Variants in ZNF483 observed in about 807,000 individuals in gnomAD.
The protein encoded by ZNF483 is zinc finger protein HIT-10.
ZNF483 carries 9 observed loss-of-function variants against 28.6 expected under a neutral mutation model. That is an observed-to-expected ratio of 0.32 (90% CI 0.19 to 0.55). The LOEUF (loss-of-function observed/expected upper bound fraction) is 0.55, where lower values mean the gene tolerates loss of function less well. ZNF483 is among the 20% of genes least tolerant of loss of function. ZNF483 has a pLI of 0.93. For synonymous variants in ZNF483, 322 were observed against 306.2 expected (o/e 1.05, Z -0.54); for missense variants, 675 against 871.7 (o/e 0.77, Z 2.84).
intron 3 of ZNF483, among the ~76,000 whole-genome samples, chr9:111,533,354 C>G (rs1465861230): frequency 1.3e-5 from 2 of 152,162 alleles, no homozygotes; most frequent in African/African-American, 4.8e-5. Flanking sequence ...CTTTGGAATT[C>G]TTAAAAACTT....
Position 111,560,708 on chromosome 9 carries a change from C to T in ZNF483, c.722-15657C>T, listed in dbSNP as rs1445644177. On this transcript the variant is annotated intron_variant, in intron 5 of 5. Transcript: ENST00000358151. ...CGTGTAATCCCAGCACTTTGGGAGG[C>T]CGAGGTGGCCGGATCACAAGGTCAG... Among the ~76,000 whole-genome samples the T allele has an allele frequency of 2.7e-5, 4 of 146,998 alleles. No homozygotes were observed. The East Asian group carries it at 8.0e-4, about 30-fold the overall frequency.
intron 5 of ZNF483, among the ~76,000 whole-genome samples, chr9:111,536,627 A>G (rs1365898712): frequency 6.6e-6 from 1 of 152,140 alleles, no homozygotes; most frequent in Non-Finnish European, 1.5e-5. Context: ...CTTCTCAAAC[A>G]TTTATTGTAG....
exon 6 of ZNF483, chr9:111,576,979 TACTCGG>T (rs1829085387): frequency 6.6e-6 from 1 of 152,092 alleles, no homozygotes. Flanking sequence ...TAATCCCAGC[TACTCGG>T]GAGGCTGAGG....
At chr9:111,529,918 C>T (rs942956847) in intron 2 of ZNF483, among the ~76,000 whole-genome samples, 2 of 152,124 alleles carry the variant, frequency 1.3e-5, no homozygotes, top group Admixed American at 6.6e-5. Flanking sequence ...GCCTTTTGTC[C>T]GTGGTTCCTG....
intron 5 of ZNF483, among the ~76,000 whole-genome samples, chr9:111,560,636 CAAAAAAAAAA>C (rs1015199330): frequency 2.7e-4 from 7 of 26,296 alleles, no homozygotes; most frequent in African/African-American, 8.6e-4. Context: ...GACACCATCT[CAAAAAAAAAA>C]AAAAAAAAAA....
rs187522261 is a variant in ZNF483 at position 111,553,644 on chromosome 9, A to G, written c.*10474A>G. Among the ~76,000 whole-genome samples, 5 of 152,386 alleles carry G rather than the reference A, an allele frequency of 3.3e-5. No homozygotes were observed. The highest frequency in any genetic ancestry group is 1.2e-4 in the African/African-American group (5 of 41,594). On this transcript the variant is annotated 3_prime_UTR_variant, in exon 6 of 6. Transcript: ENST00000309235. Reference sequence around the variant, plus strand: ...TAGTGATAATGCACGTTCCTGTACAAGCATTATAATACAACAGTGTCCTAT... The same window carrying G: ...TAGTGATAATGCACGTTCCTGTACAGGCATTATAATACAACAGTGTCCTAT...
At chr9:111,541,075 A>G (rs559794979) in intron 5 of ZNF483, among the ~76,000 whole-genome samples, 1 of 150,630 alleles carries the variant, frequency 6.6e-6, no homozygotes, top group Non-Finnish European at 1.5e-5. Context: ...ATATAGGGAC[A>G]ATAAGTTTGA....
chr9:111,563,228 T>G, intron 5 of ZNF483: 1 of 1,611,798 alleles, frequency 6.2e-7, no homozygotes, highest in Non-Finnish European at 8.5e-7. Context: ...TACTGGATTT[T>G]ACCCTGTATC....
rs1347399903 is a variant in ZNF483 at position 111,544,828 on chromosome 9, G to T, written c.*1658G>T. On this transcript the variant is annotated 3_prime_UTR_variant, in exon 6 of 6. Transcript: ENST00000309235. ...TTTCCAACTGAAAAAGGAACTTAAG[G>T]CCCTGAATGAGTGAGGTTTTGGCTT... Among the ~76,000 whole-genome samples, 1 of 152,110 alleles carries T rather than the reference G, an allele frequency of 6.6e-6. No individual in the cohort carries two copies. The highest frequency in any genetic ancestry group is 1.5e-5 in the Non-Finnish European group (1 of 68,014).
rs746101013 is a variant in ZNF483, at chr9:111,560,944, AATATATATATATAT to A, written c.722-15403_722-15390del. On this transcript the variant is annotated intron_variant, in intron 5 of 5. Coordinates refer to the ZNF483 transcript ENST00000358151. ...GGCAACAGAGTGAGACTCCATCTAA[AATATATATATATAT>A]ATATATATATATATATAGAGAGAGA... Among the ~76,000 whole-genome samples the A allele has an allele frequency of 2.3e-3, 72 of 31,190 alleles. 1 individual carries two copies. The highest frequency in any genetic ancestry group is 6.2e-3 in the East Asian group (5 of 804). The allele number at this position is 31,190 out of a possible 152,430, so 20.5% of individuals were successfully genotyped here.
rs886151520 is a variant in ZNF483, at chr9:111,553,231, T to C, written c.*10061T>C. Among the ~76,000 whole-genome samples the C allele has an allele frequency of 1.1e-4, 16 of 152,354 alleles. No homozygotes were observed. Among genetic ancestry groups the C allele is most frequent in the Admixed American group, 9.8e-4 (15 of 15,298 alleles). On this transcript the variant is annotated 3_prime_UTR_variant, in exon 6 of 6. Coordinates refer to ENST00000309235, the MANE Select transcript of ZNF483 (RefSeq NM_133464.5). Reference sequence around the variant, plus strand: ...GCTTTTCCATTTTGCTCTGCTGCAGTAAATTGCAATTGCCATTCATCATTA... The same window carrying C: ...GCTTTTCCATTTTGCTCTGCTGCAGCAAATTGCAATTGCCATTCATCATTA...
intron 5 of ZNF483, among the ~76,000 whole-genome samples, chr9:111,570,794 A>G (rs1260267130): frequency 1.3e-5 from 2 of 152,100 alleles, no homozygotes; most frequent in African/African-American, 4.8e-5. Flanking sequence ...AATAAAAAGA[A>G]AAAAAGAACC....
rs761039519 is a variant in ZNF483 at position 111,527,410 on chromosome 9, G to A, written c.15G>A (p.Val5=). The change falls in exon 2 of 6, where the codon GTG becomes GTA. Residue 5 remains valine, a synonymous_variant. Coordinates refer to ENST00000309235, the MANE Select transcript of ZNF483 (RefSeq NM_133464.5). The part of the protein sequence containing the change: MQAV[V]PLNKMTAISP... ...CCTGAGACACAATGCAAGCTGTAGTGCCCTTGAACAAGATGACAGCCATCT... is the reference window on the plus strand; with the variant it reads ...CCTGAGACACAATGCAAGCTGTAGTACCCTTGAACAAGATGACAGCCATCT... 2.5e-6 allele frequency: 4 copies of A among 1,613,496 alleles called. No individual in the cohort carries two copies. The highest frequency in any genetic ancestry group is 3.4e-6 in the Non-Finnish European group (4 of 1,179,958).
In ZNF483 at chr9:111,527,649, T is replaced by G; in HGVS notation, c.254T>G (p.Ile85Ser). 2 of 1,614,126 alleles carry G rather than the reference T, an allele frequency of 1.2e-6. No homozygotes were observed. The highest frequency in any genetic ancestry group is 1.7e-6 in the Non-Finnish European group (2 of 1,180,016). ...ELCNQWLRPD[I>S]HTKEQILELL... ...TGCAATCAGTGGCTGAGACCAGACA[T>G]TCACACGAAAGAACAGATTTTAGAG... The change falls in exon 2 of 6, where the codon ATT becomes AGT. Residue 85 changes from isoleucine (I) to serine (S), a missense_variant. Physicochemically the swap from Ile to Ser is moderately radical, Grantham distance 142. This residue lies in a region of ZNF483 where 525 missense variants were observed against 581.8 expected (regional missense o/e 0.90). Coordinates refer to ENST00000309235, the MANE Select transcript of ZNF483 (RefSeq NM_133464.5).
intron 5 of ZNF483, among the ~76,000 whole-genome samples, chr9:111,535,309 A>G (rs1005283750): frequency 6.6e-6 from 1 of 152,232 alleles, no homozygotes; most frequent in Middle Eastern, 3.2e-3. Flanking sequence ...TGCATACTAT[A>G]TCAAGCACAT....
chr9:111,534,718 C>CTTTTTTTTTTT (rs67740162), intron 5 of ZNF483, among the ~76,000 whole-genome samples: 5 of 88,130 alleles, frequency 5.7e-5, no homozygotes, highest in East Asian at 3.3e-4. Flanking sequence ...GTCGTTCTAT[C>CTTTTTTTTTTT]TTTTTTTTTT....
rs919043608 is a variant in ZNF483 at position 111,552,684 on chromosome 9, G to C, written c.*9514G>C. 1.3e-5 allele frequency among the ~76,000 whole-genome samples: 2 copies of C among 152,158 alleles called. No homozygotes were observed. Among genetic ancestry groups the C allele is most frequent in the Non-Finnish European group, 2.9e-5 (2 of 68,004 alleles). Reference sequence around the variant, plus strand: ...GTAAATTTGGAGGTTCTTTGAGACAGAATATACCCAGAGTTTTCTTTGGGC... The same window carrying C: ...GTAAATTTGGAGGTTCTTTGAGACACAATATACCCAGAGTTTTCTTTGGGC... On this transcript the variant is annotated 3_prime_UTR_variant, in exon 6 of 6. Coordinates refer to ENST00000309235, the MANE Select transcript of ZNF483 (RefSeq NM_133464.5).
At chr9:111,568,787 G>T (rs538402544) in intron 5 of ZNF483, among the ~76,000 whole-genome samples, 29 of 152,254 alleles carry the variant, frequency 1.9e-4, no homozygotes, top group Non-Finnish European at 3.7e-4. Context: ...ATGAAAAATA[G>T]AAAGAACCTA....
In ZNF483 at chr9:111,568,666, G is replaced by C. The variant is rs563655872; in HGVS notation, c.722-7699G>C. Reference sequence around the variant, plus strand: ...TTAATAAAAACTTGCTGGTTTTGTGGCTCAGGTGGGTATCACGGTCCTACT... The same window carrying C: ...TTAATAAAAACTTGCTGGTTTTGTGCCTCAGGTGGGTATCACGGTCCTACT... On this transcript the variant is annotated intron_variant, in intron 5 of 5. Transcript: ENST00000358151. Among the ~76,000 whole-genome samples the C allele has an allele frequency of 3.3e-5, 5 of 152,270 alleles. No individual in the cohort carries two copies. The South Asian group carries it at 1.0e-3, about 32-fold the overall frequency.
Sources: gnomAD v4.1 joint callset for allele counts (sites outside exome capture counted in the v4.1 genomes callset) on GRCh38, gnomAD v4.1.1 for gene constraint, gnomAD v4.1.1 regional missense constraint, MANE v1.5 for transcripts, NCBI Gene and HGNC (gene_info 2026-07-23, HGNC 2026-07-21) for gene names.